The following ZNF469 variants were observed in gnomAD, a reference collection of about 807,000 sequenced individuals.
The protein encoded by ZNF469 is zinc finger protein 469.
Under a neutral mutation model 1.0 loss-of-function variants are expected in ZNF469, and 1 was observed. That is an observed-to-expected ratio of 1.00 (90% confidence interval 0.35 to 4.73). ZNF469 has a LOEUF of 4.73. Among genes scored for constraint, ZNF469 ranks in the 30% most tolerant of loss-of-function variants. The probability of loss-of-function intolerance (pLI) is 0.16; values close to 1 mark genes in which losing one functional copy is unlikely to be tolerated. For synonymous variants in ZNF469, 2,703 were observed against 2,363.4 expected (o/e 1.14, Z -4.17); for missense variants, 6,100 against 5,356.3 (o/e 1.14, Z -4.33).
At chr16:88,319,395 C>A in the ZNF469 span, among the ~76,000 whole-genome samples, 1 of 152,160 alleles carries the variant, frequency 6.6e-6, no homozygotes, top group Non-Finnish European at 1.5e-5. Context: ...ACAGGAGGTG[C>A]AAGGATTGGG....
Position 88,430,380 on chromosome 16 carries a change from C to A in ZNF469, c.2910C>A (p.Gly970=). The change falls in exon 3 of 3, where the codon GGC becomes GGA. Residue 970 remains glycine (G), a synonymous_variant. Coordinates refer to ENST00000565624, the MANE Select transcript of ZNF469 (RefSeq NM_001367624.2). ...GCGCAGCAGAGGGGTCGGGGTCGGG[C>A]GGCGGCGGCAGAGCCTCCGGCCTGA... is the stretch of plus-strand genomic sequence containing the variant. ...SGGAAEGSGS[G]GGGRASGLRP... is the part of the protein sequence containing the mutation. 1.3e-6 allele frequency: 2 copies of A among 1,510,252 alleles called. No individual in the cohort carries two copies. The highest frequency in any genetic ancestry group is 1.8e-6 in the Non-Finnish European group (2 of 1,131,692). 93.6% of individuals were successfully genotyped at this position (1,510,252 alleles called of 1,614,324 possible). A position where few individuals can be genotyped will look rare whatever the true frequency, so the allele number is the denominator to read the frequency against.
At chr16:88,226,390 G>A in the ZNF469 span, among the ~76,000 whole-genome samples, 29 of 152,164 alleles carry the variant, frequency 1.9e-4, no homozygotes, top group African/African-American at 5.1e-4. Context: ...AGAGGCTGGC[G>A]TGGTGCAGCT....
chr16:88,138,650 C>T, the ZNF469 span, among the ~76,000 whole-genome samples: 5 of 152,210 alleles, frequency 3.3e-5, no homozygotes, highest in Admixed American at 2.0e-4. Flanking sequence ...CCAGATTAAC[C>T]TCTAAATCCA....
chr16:88,265,688 C>T, the ZNF469 span, among the ~76,000 whole-genome samples: 1 of 152,212 alleles, frequency 6.6e-6, no homozygotes, highest in East Asian at 1.9e-4. Context: ...GAAACCCGCC[C>T]GTCCTGGGTC....
chr16:88,120,789 C>A, the ZNF469 span, among the ~76,000 whole-genome samples: 8 of 152,156 alleles, frequency 5.3e-5, no homozygotes, highest in Admixed American at 5.2e-4. Context: ...TTGTCGACGG[C>A]GTCTCGTATG....
chr16:88,294,230 C>A, the ZNF469 span, among the ~76,000 whole-genome samples: 1 of 152,212 alleles, frequency 6.6e-6, no homozygotes, highest in African/African-American at 2.4e-5. Flanking sequence ...CCAATCAGAA[C>A]CAACTGTGCA....
chr16:88,347,524 A>C, the ZNF469 span, among the ~76,000 whole-genome samples: 1 of 152,040 alleles, frequency 6.6e-6, no homozygotes, highest in African/African-American at 2.4e-5. Context: ...AACCAGCCCC[A>C]CCATCTTCAC....
chr16:88,145,885 G>C, the ZNF469 span, among the ~76,000 whole-genome samples: 1 of 152,366 alleles, frequency 6.6e-6, no homozygotes, highest in East Asian at 1.9e-4. Flanking sequence ...TGAGTGGTGA[G>C]TGTCCTGATG....
chr16:88,196,200 G>C, the ZNF469 span, among the ~76,000 whole-genome samples: 1 of 152,202 alleles, frequency 6.6e-6, no homozygotes, highest in African/African-American at 2.4e-5. Context: ...GCTCTTAGAA[G>C]TGGAGTACCT....
chr16:88,431,355 G>C lies in ZNF469; in HGVS notation c.3885G>C (p.Thr1295=), dbSNP rs1262309874. The C allele has an allele frequency of 6.5e-7, 1 of 1,549,630 alleles. No homozygotes were observed. The highest frequency in any genetic ancestry group is 2.0e-5 in the Admixed American group (1 of 51,006). Residue 1295 remains threonine, a synonymous_variant, in exon 3 of 3, where the codon ACG becomes ACC. Transcript: ENST00000565624. Reference sequence around the variant, plus strand: ...CGGCGCCCCACGGAAGCTCGCCAACGCCAGGTGTGGGCAGCCTGCTGGGTG... The same window carrying C: ...CGGCGCCCCACGGAAGCTCGCCAACCCCAGGTGTGGGCAGCCTGCTGGGTG... The part of the protein sequence containing the change: ...ANTAPHGSSP[T]PGVGSLLGGP...
At chr16:88,414,967 C>T (rs1228938574) in intron 1 of ZNF469, among the ~76,000 whole-genome samples, 2 of 152,238 alleles carry the variant, frequency 1.3e-5, no homozygotes, top group East Asian at 3.8e-4. Flanking sequence ...ACAGCAGGGT[C>T]AGCCGCGCCA....
At chr16:88,340,264 G>A in the ZNF469 span, among the ~76,000 whole-genome samples, 7 of 152,312 alleles carry the variant, frequency 4.6e-5, no homozygotes, top group South Asian at 1.4e-3. Context: ...CACCTCATAG[G>A]TGGGAGTGAG....
Position 88,436,955 on chromosome 16 carries a change from A to G in ZNF469, c.9485A>G (p.His3162Arg). 1 of 1,496,122 alleles carries G rather than the reference A, an allele frequency of 6.7e-7. No individual in the cohort carries two copies. 92.7% of individuals were successfully genotyped at this position (1,496,122 alleles called of 1,614,324 possible). ...RFGSRELLRGHLQERHAQSKA... is the reference protein window; with the variant it reads ...RFGSRELLRGRLQERHAQSKA... The stretch of plus-strand genomic sequence containing the variant: ...GGCTCGCGGGAGCTGCTGCGGGGGC[A>G]CCTGCAGGAGAGGCACGCGCAGAGC... Residue 3162 changes from histidine to arginine, a missense_variant, in exon 3 of 3, where the codon CAC becomes CGC. By Grantham distance (29) the His-to-Arg change is conservative (BLOSUM62 0). Transcript: ENST00000565624.
the ZNF469 span, among the ~76,000 whole-genome samples, chr16:88,376,015 C>T: frequency 2.6e-5 from 4 of 152,200 alleles, no homozygotes; most frequent in Admixed American, 1.3e-4. Flanking sequence ...TTGGAAGATT[C>T]AGTGGCCAGG....
the ZNF469 span, among the ~76,000 whole-genome samples, chr16:88,163,362 A>G: frequency 7.0e-6 from 1 of 143,172 alleles, no homozygotes. Flanking sequence ...TGGATGCATG[A>G]CTGGGTGGGT....
At chr16:88,324,571 T>C in the ZNF469 span, among the ~76,000 whole-genome samples, 4 of 152,366 alleles carry the variant, frequency 2.6e-5, no homozygotes, top group Admixed American at 2.6e-4. Context: ...CAGGTTTACT[T>C]AAGCGGCCGT....
At chr16:88,250,080 T>C in the ZNF469 span, among the ~76,000 whole-genome samples, 3 of 152,276 alleles carry the variant, frequency 2.0e-5, no homozygotes, top group Admixed American at 6.5e-5. Flanking sequence ...TCAAGTATAA[T>C]GTATGTGCAG....
the ZNF469 span, among the ~76,000 whole-genome samples, chr16:88,109,382 C>T: frequency 4.6e-5 from 7 of 152,262 alleles, no homozygotes; most frequent in Non-Finnish European, 7.3e-5. Flanking sequence ...TCCTCCCAGA[C>T]TCAGATCTGT....
chr16:88,384,645 G>A (rs1294106102), intron 1 of ZNF469, among the ~76,000 whole-genome samples: 1 of 152,184 alleles, frequency 6.6e-6, no homozygotes, highest in African/African-American at 2.4e-5. Context: ...CAAAAAGGAA[G>A]GCCAGGGCCT....
Sources: allele counts gnomAD v4.1 joint callset (sites outside exome capture counted in the v4.1 genomes callset), GRCh38; gene constraint gnomAD v4.1.1; transcripts MANE v1.5; gene names NCBI Gene and HGNC (gene_info 2026-07-23, HGNC 2026-07-21).